CADM2: variants seen among roughly 807,000 people sequenced by gnomAD.
CADM2 encodes cell adhesion molecule 2.
CADM2 carries 12 observed loss-of-function variants against 49.8 expected under a neutral mutation model. The observed-to-expected ratio is 0.24, with a 90% CI of 0.15 to 0.39. The LOEUF (loss-of-function observed/expected upper bound fraction) is 0.39. Among genes scored for constraint, CADM2 ranks in the 10% least tolerant of loss-of-function variants. CADM2 has a pLI of 1.00. For synonymous variants in CADM2, 214 were observed against 175.4 expected (o/e 1.22, Z -1.74); for missense variants, 378 against 492.3 (o/e 0.77, Z 2.20).
intron 1 of CADM2, among the ~76,000 whole-genome samples, chr3:85,643,079 T>C (rs1252791721): frequency 6.6e-6 from 1 of 152,164 alleles, no homozygotes; most frequent in Non-Finnish European, 1.5e-5. Context: ...GGAAACACAA[T>C]TATAATATTG....
At chr3:85,912,680 A>T (rs1335331817) in intron 6 of CADM2, 137 bp downstream of exon 6, 2 of 766,576 alleles carry the variant, frequency 2.6e-6, no homozygotes, top group African/African-American at 3.5e-5. Context: ...AACTACATTC[A>T]CTAGTATTAA....
At chr3:85,477,521 A>G (rs1400446084) in intron 1 of CADM2, among the ~76,000 whole-genome samples, 1 of 152,012 alleles carries the variant, frequency 6.6e-6, no homozygotes. Flanking sequence ...TCCCTTATGT[A>G]TTATTTTTAT....
chr3:85,405,743 C>T (rs1167965049), intron 1 of CADM2, among the ~76,000 whole-genome samples: 2 of 151,556 alleles, frequency 1.3e-5, no homozygotes, highest in Non-Finnish European at 2.9e-5. Flanking sequence ...TTGGAGTACA[C>T]GTGCAGGATG....
chr3:85,966,488 C>A (rs1221506869), intron 8 of CADM2, among the ~76,000 whole-genome samples: 1 of 151,612 alleles, frequency 6.6e-6, no homozygotes, highest in African/African-American at 2.4e-5. Context: ...AGTTTTATAA[C>A]AATTCATCAC....
intron 1 of CADM2, among the ~76,000 whole-genome samples, chr3:85,542,312 A>T (rs192632868): frequency 6.6e-6 from 1 of 152,232 alleles, no homozygotes; most frequent in Non-Finnish European, 1.5e-5. Context: ...ATTCCCCCAA[A>T]AGGAGTTTAC....
At chr3:85,699,248 G>A (rs1017747588) in intron 1 of CADM2, among the ~76,000 whole-genome samples, 2 of 152,184 alleles carry the variant, frequency 1.3e-5, no homozygotes, top group Admixed American at 6.5e-5. Flanking sequence ...AAGAGCTGAT[G>A]TTGAGTGTCT....
intron 1 of CADM2, among the ~76,000 whole-genome samples, chr3:85,098,977 A>G (rs2037910805): frequency 6.6e-6 from 1 of 152,224 alleles, no homozygotes; most frequent in Non-Finnish European, 1.5e-5. Context: ...TTTTATACCC[A>G]TAACCCACCT....
chr3:85,212,858 C>CTTTCTTTCTTT (rs1559723731), intron 1 of CADM2, among the ~76,000 whole-genome samples: 1 of 123,528 alleles, frequency 8.1e-6, no homozygotes, highest in Non-Finnish European at 1.6e-5. Context: ...TTCTTTCTTT[C>CTTTCTTTCTTT]TTTCTTTCTT....
chr3:85,647,028 C>A (rs1350506564), intron 1 of CADM2, among the ~76,000 whole-genome samples: 1 of 151,650 alleles, frequency 6.6e-6, no homozygotes, highest in Admixed American at 6.6e-5. Flanking sequence ...TTGAACGTAA[C>A]TTGGATTTGT....
chr3:85,845,480 T>A (rs2074841559), intron 3 of CADM2, among the ~76,000 whole-genome samples: 2 of 152,158 alleles, frequency 1.3e-5, no homozygotes, highest in South Asian at 4.1e-4. Flanking sequence ...GTTTAAGCTA[T>A]TCCTGTAAAG....
chr3:85,304,693 A>G (rs1349756369), intron 1 of CADM2, among the ~76,000 whole-genome samples: 1 of 151,804 alleles, frequency 6.6e-6, no homozygotes, highest in Non-Finnish European at 1.5e-5. Flanking sequence ...TTTAGAATTG[A>G]TTTGCATAGG....
intron 1 of CADM2, among the ~76,000 whole-genome samples, chr3:85,616,053 C>A (rs1371865685): frequency 5.9e-5 from 9 of 151,834 alleles, no homozygotes; most frequent in Admixed American, 5.9e-4. Flanking sequence ...GCAGAGTTGA[C>A]TGTGTAAAAT....
chr3:85,133,371 T>C (rs1270496841), intron 1 of CADM2, among the ~76,000 whole-genome samples: 1 of 152,310 alleles, frequency 6.6e-6, no homozygotes, highest in Admixed American at 6.5e-5. Flanking sequence ...TTACAATCCC[T>C]GAGCTAGACA....
intron 1 of CADM2, among the ~76,000 whole-genome samples, chr3:85,697,068 T>TTA (rs1250637489): frequency 1.2e-4 from 17 of 141,090 alleles, no homozygotes; most frequent in South Asian, 2.5e-4. Flanking sequence ...ACTGTCTTAA[T>TTA]TATATATATA....
chr3:85,970,241 G>A (rs1489488846), intron 8 of CADM2, among the ~76,000 whole-genome samples: 1 of 151,370 alleles, frequency 6.6e-6, no homozygotes, highest in African/African-American at 2.4e-5. Context: ...TTATGCAATT[G>A]ATTCCAAGTA....
In CADM2 at chr3:85,311,892, A is replaced by G. The variant is rs975999327; in HGVS notation, c.61+352224A>G. Among the ~76,000 whole-genome samples the G allele has an allele frequency of 7.9e-5, 12 of 152,328 alleles. No homozygotes were observed. The Middle Eastern group carries it at 0.014, about 173-fold the overall frequency. ...ATCCTCCAGCAGAAAACAGTCGTGG[A>G]CATAAAAAGGAATAAAAGTTTCACA... On this transcript the variant is annotated intron_variant, in intron 1 of 9. Coordinates refer to ENST00000383699, the MANE Select transcript of CADM2 (RefSeq NM_001167675.2).
intron 1 of CADM2, among the ~76,000 whole-genome samples, chr3:85,270,567 C>T (rs945353786): frequency 6.6e-6 from 1 of 151,188 alleles, no homozygotes; most frequent in Non-Finnish European, 1.5e-5. Flanking sequence ...GCCCTGTGTT[C>T]CATTCAGACT....
At chr3:85,186,630 G>C (rs530055154) in intron 1 of CADM2, among the ~76,000 whole-genome samples, 2 of 151,844 alleles carry the variant, frequency 1.3e-5, no homozygotes, top group South Asian at 4.2e-4. Context: ...GAGAGCTGTA[G>C]TCTGCATCTT....
At chr3:85,763,553 T>C (rs1467543105) in intron 2 of CADM2, among the ~76,000 whole-genome samples, 2 of 152,186 alleles carry the variant, frequency 1.3e-5, no homozygotes, top group Non-Finnish European at 2.9e-5. Context: ...TTCATTCAAC[T>C]GTGCTTTCTT....
Sources: gnomAD v4.1 joint callset for allele counts (sites outside exome capture counted in the v4.1 genomes callset) on GRCh38, gnomAD v4.1.1 for gene constraint, MANE v1.5 for transcripts, NCBI Gene and HGNC (gene_info 2026-07-23, HGNC 2026-07-21) for gene names.